The following FBLN1 variants were observed in gnomAD, a reference collection of about 807,000 sequenced individuals.
The protein encoded by FBLN1 is fibulin 1.
In FBLN1, 34 loss-of-function variants were observed where a neutral mutation model predicts 89.7. The ratio of observed to expected loss-of-function variants is 0.38; its 90% CI spans 0.29 to 0.50. The LOEUF is 0.50. Ranked by LOEUF, FBLN1 falls within the 20% of genes least tolerant of loss-of-function variation. The pLI is 0.92. For missense variants in FBLN1, 777 were observed against 988.1 expected, an observed-to-expected ratio of 0.79 and a Z score of 2.86; for synonymous variants, 393 against 391.3, an observed-to-expected ratio of 1.00 and a Z score of -0.05.
chr22:45,565,460 C>T (rs1354747524), intron 14 of FBLN1: 1 of 387,308 alleles, frequency 2.6e-6, no homozygotes, highest in African/African-American at 2.1e-5. Context: ...CTGCCATTCT[C>T]CTTGCAGACT....
rs2088550060 is a variant in FBLN1, at chr22:45,541,146, G to A, written c.923-83G>A. 7.7e-6 allele frequency: 12 copies of A among 1,565,924 alleles called. No individual in the cohort carries two copies. In the South Asian group the frequency reaches 1.3e-4, roughly 17 times the overall value. On this transcript the variant is annotated intron_variant, in intron 8 of 16. Transcript: ENST00000327858. ...GTGGTTTTGCAAAGAGGTGGGAAGG[G>A]GAGTTTCTTTGGAGATCCAGTTTTT...
chr22:45,599,272 C>T (rs1055029837), intron 16 of FBLN1, among the ~76,000 whole-genome samples: 8 of 152,238 alleles, frequency 5.3e-5, no homozygotes, highest in Admixed American at 5.2e-4. Flanking sequence ...CCCTGCACCA[C>T]CCATCCTCCT....
At chr22:45,560,678 C>A (rs2088840500) in intron 14 of FBLN1, among the ~76,000 whole-genome samples, 4 of 152,222 alleles carry the variant, frequency 2.6e-5, no homozygotes, top group African/African-American at 9.6e-5. Flanking sequence ...TTCTCCGACA[C>A]CCTTAATATC....
At chr22:45,554,625 C>T (rs1253154934) in intron 14 of FBLN1, among the ~76,000 whole-genome samples, 1 of 152,190 alleles carries the variant, frequency 6.6e-6, no homozygotes, top group African/African-American at 2.4e-5. Context: ...TAACCCAGCA[C>T]GAGACATGGA....
intron 1 of FBLN1, among the ~76,000 whole-genome samples, chr22:45,505,133 A>G (rs1425396856): frequency 6.6e-6 from 1 of 152,138 alleles, no homozygotes; most frequent in East Asian, 1.9e-4. Context: ...GGCCGAGAGG[A>G]GCCGCCTGTC....
At chr22:45,508,692 A>G (rs1043285226) in intron 1 of FBLN1, among the ~76,000 whole-genome samples, 5 of 152,208 alleles carry the variant, frequency 3.3e-5, no homozygotes, top group Non-Finnish European at 5.9e-5. Context: ...CTGCCTCTGC[A>G]GAGGCTGCAT....
intron 14 of FBLN1, among the ~76,000 whole-genome samples, chr22:45,568,447 G>GTGCTCCTGTAGGGGAA (rs2088917315): frequency 3.9e-5 from 3 of 76,218 alleles, no homozygotes; most frequent in African/African-American, 2.0e-4. Context: ...CTGTAGGGGA[G>GTGCTCCTGTAGGGGAA]TGCTCCTTCT....
At chr22:45,589,935 C>T (rs1222270466) in intron 16 of FBLN1, among the ~76,000 whole-genome samples, 1 of 152,184 alleles carries the variant, frequency 6.6e-6, no homozygotes, top group African/African-American at 2.4e-5. Flanking sequence ...CACCAGTTCC[C>T]GGTTTGGGGT....
At chr22:45,584,008 C>T (rs919115501) in intron 16 of FBLN1, among the ~76,000 whole-genome samples, 2 of 152,082 alleles carry the variant, frequency 1.3e-5, no homozygotes, top group Non-Finnish European at 2.9e-5. Flanking sequence ...GGGTTGTATC[C>T]AGCTGTCCCA....
rs1445587360 is a variant in FBLN1 at position 45,525,611 on chromosome 22, C to T, written c.254C>T (p.Ala85Val). The change falls in exon 3 of 17, where the codon GCC (alanine) becomes GTC (valine). Residue 85 changes from alanine (A) to valine (V), a missense_variant. Transcript: ENST00000327858. ...ELHCATGISL[A>V]NEQDRCATPH... ...CACTGTGCCACGGGCATCAGCCTGG[C>T]CAACGAGCAGGACCGCTGTGCCACG... is the stretch of plus-strand genomic sequence containing the variant. 4 of 1,550,926 alleles carry T rather than the reference C, an allele frequency of 2.6e-6. No homozygotes were observed. The South Asian group carries it at 4.8e-5, about 18-fold the overall frequency.
chr22:45,543,393 A>T lies in FBLN1; in HGVS notation c.1196-8A>T. 3.1e-6 allele frequency: 5 copies of T among 1,611,778 alleles called. No homozygotes were observed. Among genetic ancestry groups the T allele is most frequent in the Non-Finnish European group, 3.4e-6 (4 of 1,179,964 alleles). On this transcript the variant is annotated splice_region_variant and splice_polypyrimidine_tract_variant and intron_variant, in intron 10 of 16. Coordinates refer to ENST00000327858, the MANE Select transcript of FBLN1 (RefSeq NM_006486.3). ...ATTGCCCTGAGTCAGCCCACCCCTC[A>T]CTTTCAGATGTCAACGAGTGCCAGC...
Position 45,547,030 on chromosome 22 carries a change from T to C in FBLN1, c.1322-55T>C, listed in dbSNP as rs1602197313. ...TCTGTTCACTGACCCTGAGGGCTAC[T>C]GTGGAGGCAGGGACGTATGATGCTC... On this transcript the variant is annotated intron_variant, in intron 11 of 16. Transcript: ENST00000327858. 12 of 1,612,854 alleles carry C rather than the reference T, an allele frequency of 7.4e-6. No homozygotes were observed. In the East Asian group the frequency reaches 2.7e-4, roughly 36 times the overall value.
Position 45,503,120 on chromosome 22 carries a change from G to A in FBLN1, c.79+56G>A, listed in dbSNP as rs1445885880. The A allele has an allele frequency of 4.2e-6, 5 of 1,195,522 alleles. No individual in the cohort carries two copies. In the East Asian group the frequency reaches 1.7e-4, roughly 40 times the overall value. 74.1% of individuals were successfully genotyped at this position (1,195,522 alleles called of 1,614,324 possible). On this transcript the variant is annotated intron_variant, in intron 1 of 16. Transcript: ENST00000327858. Reference sequence around the variant, plus strand: ...TTAGGGTCCCGACCCCCTCGGCCTCGCGCTCCCTGCGAGTTTCGGAACCAC... The same window carrying A: ...TTAGGGTCCCGACCCCCTCGGCCTCACGCTCCCTGCGAGTTTCGGAACCAC...
At chr22:45,518,463 G>T in intron 1 of FBLN1, 1 of 610,608 alleles carries the variant, frequency 1.6e-6, no homozygotes, top group Non-Finnish European at 3.0e-6. Context: ...AGATGGGGGA[G>T]GATTCAGGTC....
intron 3 of FBLN1, 55 bp from the exon 4 acceptor site, chr22:45,527,791 AC>A (rs1960705802): frequency 3.7e-6 from 6 of 1,605,084 alleles, no homozygotes; most frequent in Middle Eastern, 2.2e-4. Context: ...CCTCTCGTGG[AC>A]CCCGCTGGGC....
chr22:45,512,620 A>G (rs1200613802), intron 1 of FBLN1, among the ~76,000 whole-genome samples: 7 of 152,144 alleles, frequency 4.6e-5, no homozygotes, highest in African/African-American at 1.2e-4. Flanking sequence ...TCCCCAGGCA[A>G]ATGAGCAGCT....
In FBLN1 at chr22:45,597,637, G is replaced by A. The variant is rs900477754; in HGVS notation, c.1973-2670G>A. 1.3e-5 allele frequency among the ~76,000 whole-genome samples: 2 copies of A among 152,308 alleles called. No homozygotes were observed. The highest frequency in any genetic ancestry group is 2.4e-5 in the African/African-American group (1 of 41,566). ...CAGGCAGGAGTGACCCCGTCATCAG[G>A]TTCTGCTGGCGAGCCCAGGGTGGTG... On this transcript the variant is annotated intron_variant, in intron 16 of 16. Transcript: ENST00000327858. The surrounding 1 kb of genome is among the most constrained non-coding windows in gnomAD (Gnocchi z 4.2).
In FBLN1 at chr22:45,588,320, G is replaced by C. The variant is rs114673323; in HGVS notation, c.1972+11212G>C. On this transcript the variant is annotated intron_variant, in intron 16 of 16. Coordinates refer to ENST00000327858, the MANE Select transcript of FBLN1 (RefSeq NM_006486.3). This position sits in a 1 kb window ranked among gnomAD's most constrained non-coding sequence, Gnocchi z 5.1. ...GGGAACTCCTTCTGGAAAGTCTGTC[G>C]TGAACCAGAGCAGATAAATGCTTGT... Among the ~76,000 whole-genome samples the C allele has an allele frequency of 6.6e-6, 1 of 152,288 alleles. No individual in the cohort carries two copies. The highest frequency in any genetic ancestry group is 1.5e-5 in the Non-Finnish European group (1 of 68,026).
chr22:45,564,653 G>A (rs1321332755), intron 14 of FBLN1, among the ~76,000 whole-genome samples: 6 of 152,186 alleles, frequency 3.9e-5, no homozygotes, highest in African/African-American at 1.2e-4. Flanking sequence ...AACAGGCTGC[G>A]GTTCCTGTTG....
Sources: allele counts gnomAD v4.1 joint callset (sites outside exome capture counted in the v4.1 genomes callset), GRCh38; gene constraint gnomAD v4.1.1; non-coding constraint Gnocchi (gnomAD v3.1); transcripts MANE v1.5; gene names NCBI Gene and HGNC (gene_info 2026-07-23, HGNC 2026-07-21).